The following SERGEF variants were observed in gnomAD, a reference collection of about 807,000 sequenced individuals.
SERGEF encodes secretion regulating guanine nucleotide exchange factor, also known as secretion-regulating guanine nucleotide exchange factor.
In SERGEF, 51 loss-of-function variants were observed where a neutral mutation model predicts 50.0. That is an observed-to-expected ratio of 1.02 (90% CI 0.81 to 1.29). The LOEUF is 1.29. SERGEF is among the 50% of genes most tolerant of loss of function. SERGEF has a pLI of 0.00. For missense variants in SERGEF, 521 were observed against 557.0 expected (o/e 0.94, Z 0.65); for synonymous variants, 205 against 212.4 (o/e 0.97, Z 0.30).
At chr11:17,835,705 C>T (rs1036170346) in intron 10 of SERGEF, among the ~76,000 whole-genome samples, 1 of 152,208 alleles carries the variant, frequency 6.6e-6, no homozygotes, top group African/African-American at 2.4e-5. Flanking sequence ...TTAAAATCCC[C>T]AGTCAGGAAG....
chr11:17,843,853 G>C (rs1482574704), intron 10 of SERGEF, among the ~76,000 whole-genome samples: 6 of 152,184 alleles, frequency 3.9e-5, no homozygotes, highest in Non-Finnish European at 5.9e-5. Flanking sequence ...CTGAGCAAGA[G>C]AGAAAGAAGG....
chr11:18,006,554 T>A (rs1854078246), intron 3 of SERGEF, 37 bp downstream of exon 3: 1 of 1,597,006 alleles, frequency 6.3e-7, no homozygotes, highest in Non-Finnish European at 8.5e-7. Flanking sequence ...ACCCAAAGCC[T>A]TTGTGGTGAC....
At chr11:17,932,198 C>T (rs1217173697) in intron 9 of SERGEF, among the ~76,000 whole-genome samples, 1 of 152,136 alleles carries the variant, frequency 6.6e-6, no homozygotes, top group Non-Finnish European at 1.5e-5. Flanking sequence ...AAATGCTCTG[C>T]TAATGCAACA....
At position 17,995,859 on chromosome 11, in the gene SERGEF, G is replaced by A. The variant is rs199581346; in HGVS notation, c.559C>T (p.Arg187Trp). ...WGTGLASCGR[R>W]LCPGQTLPLF... ...GGAAGAGTCTGCCCAGGGCACAACC[G>A]TCGTCCACATGATGCCAAACCAGTC... Residue 187 changes from arginine (R) to tryptophan (W), a missense_variant, in exon 6 of 11, where the codon CGG becomes TGG. Physicochemically the swap from Arg to Trp is moderately radical, Grantham distance 101. Transcript: ENST00000265965. 1.2e-4 allele frequency: 199 copies of A among 1,613,892 alleles called. No homozygotes were observed. Among genetic ancestry groups the A allele is most frequent in the Non-Finnish European group, 1.6e-4 (184 of 1,179,964 alleles).
intron 9 of SERGEF, among the ~76,000 whole-genome samples, chr11:17,951,033 G>T (rs1316422059): frequency 6.6e-6 from 1 of 152,144 alleles, no homozygotes; most frequent in African/African-American, 2.4e-5. Flanking sequence ...CTCTGATGCT[G>T]CAGGGAGATT....
In SERGEF at chr11:17,888,522, T is replaced by G. The variant is rs139727128; in HGVS notation, c.1012-10278A>C. On this transcript the variant is annotated intron_variant, in intron 9 of 10. Coordinates refer to ENST00000265965, the MANE Select transcript of SERGEF (RefSeq NM_012139.4). This position sits in a 1 kb window ranked among gnomAD's most constrained non-coding sequence, Gnocchi z 4.1. The stretch of plus-strand genomic sequence containing the variant: ...ATATGAATGTTGCTAGGAGCCAGAA[T>G]GCTCACTGTAGTTGAAGGAAACACA... 6.6e-6 allele frequency among the ~76,000 whole-genome samples: 1 copy of G among 152,078 alleles called. No individual in the cohort carries two copies. Among genetic ancestry groups the G allele is most frequent in the Admixed American group, 6.6e-5 (1 of 15,262 alleles).
In SERGEF at chr11:17,875,258, C is replaced by T. The variant is rs552224326; in HGVS notation, c.1048+2950G>A. Among the ~76,000 whole-genome samples the T allele has an allele frequency of 3.3e-5, 5 of 152,296 alleles. No individual in the cohort carries two copies. In the East Asian group the frequency reaches 7.7e-4, roughly 24 times the overall value. ...ACTATTTATTGCTGTAACCGTAGGA[C>T]CAATTCAAACCAAGTAATCACTGCT... is the stretch of plus-strand genomic sequence containing the variant. On this transcript the variant is annotated intron_variant, in intron 10 of 10. Transcript: ENST00000265965.
intron 9 of SERGEF, among the ~76,000 whole-genome samples, chr11:17,880,871 A>G (rs1195734497): frequency 6.6e-6 from 1 of 152,220 alleles, no homozygotes; most frequent in Non-Finnish European, 1.5e-5. Context: ...TCCAAATATT[A>G]TTTAACTGTG....
chr11:17,874,987 G>A (rs1282823766), intron 10 of SERGEF, among the ~76,000 whole-genome samples: 1 of 152,164 alleles, frequency 6.6e-6, no homozygotes, highest in Non-Finnish European at 1.5e-5. Flanking sequence ...GTTAGGCATT[G>A]TTCTTAGCAC....
chr11:17,800,793 C>T (rs572658487), intron 10 of SERGEF, among the ~76,000 whole-genome samples: 3 of 152,068 alleles, frequency 2.0e-5, no homozygotes, highest in Non-Finnish European at 4.4e-5. Context: ...GAAGAAATGA[C>T]AATACAAAGG....
chr11:17,937,205 T>G (rs947013344), intron 9 of SERGEF, among the ~76,000 whole-genome samples: 5 of 152,130 alleles, frequency 3.3e-5, no homozygotes, highest in South Asian at 4.1e-4. Context: ...TCTCATATTT[T>G]TAAAAAATAC....
chr11:17,944,030 C>T (rs143495588), intron 9 of SERGEF, among the ~76,000 whole-genome samples: 4 of 152,110 alleles, frequency 2.6e-5, no homozygotes, highest in African/African-American at 4.8e-5. Flanking sequence ...CAGGTTCAAG[C>T]GGTTCTCCTG....
intron 10 of SERGEF, among the ~76,000 whole-genome samples, chr11:17,808,000 C>G (rs1849793614): frequency 6.6e-6 from 1 of 152,186 alleles, no homozygotes; most frequent in Non-Finnish European, 1.5e-5. Context: ...TGCTGACCCC[C>G]TAGAATGTGC....
At chr11:18,001,088 G>A (rs1393775408) in intron 4 of SERGEF, among the ~76,000 whole-genome samples, 2 of 152,170 alleles carry the variant, frequency 1.3e-5, no homozygotes, top group East Asian at 1.9e-4. Flanking sequence ...CATAGGGATC[G>A]CCATTTCCCC....
At chr11:17,853,439 C>T (rs1471407881) in intron 10 of SERGEF, 1 of 152,232 alleles carries the variant, frequency 6.6e-6, no homozygotes, top group Non-Finnish European at 1.5e-5. Flanking sequence ...AGGAAGAGCA[C>T]ACAGTGCTTC....
intron 10 of SERGEF, among the ~76,000 whole-genome samples, chr11:17,828,421 G>A (rs1299623882): frequency 1.3e-5 from 2 of 152,230 alleles, no homozygotes; most frequent in Non-Finnish European, 2.9e-5. Flanking sequence ...GACCAGCCCT[G>A]CCGTGTGGAT....
chr11:17,796,843 A>G (rs7109364), intron 10 of SERGEF, among the ~76,000 whole-genome samples: 131,111 of 152,070 alleles, frequency 0.86, 56,649 homozygotes, highest in African/African-American at 0.93. Flanking sequence ...GGGATGTTTC[A>G]GGTTTGTGGC....
At chr11:17,883,393 T>C (rs1459700348) in intron 9 of SERGEF, among the ~76,000 whole-genome samples, 2 of 152,264 alleles carry the variant, frequency 1.3e-5, no homozygotes, top group Non-Finnish European at 2.9e-5. Flanking sequence ...GCAGTACAGT[T>C]GTACCTGTTT....
At chr11:17,790,337 AT>A (rs35722641) in intron 10 of SERGEF, among the ~76,000 whole-genome samples, 4,753 of 144,276 alleles carry the variant, frequency 0.033, 67 homozygotes, top group Non-Finnish European at 0.036. Context: ...TCATTCACAT[AT>A]TTTTTTTTTT....
Sources: gnomAD v4.1 joint callset for allele counts (sites outside exome capture counted in the v4.1 genomes callset) on GRCh38, gnomAD v4.1.1 for gene constraint, Gnocchi (gnomAD v3.1) non-coding constraint, MANE v1.5 for transcripts, NCBI Gene and HGNC (gene_info 2026-07-23, HGNC 2026-07-21) for gene names.